Variants in SLC5A4 observed in about 807,000 individuals in gnomAD.
SLC5A4 encodes the protein solute carrier family 5 member 4.
A neutral mutation model predicts 70.3 loss-of-function variants in SLC5A4; 55 were observed. The observed-to-expected ratio is 0.78, with a 90% CI of 0.63 to 0.98. SLC5A4 has a LOEUF of 0.98. Among genes scored for constraint, SLC5A4 ranks in the 50% least tolerant of loss-of-function variants. The pLI is 0.00. For missense variants in SLC5A4, 735 were observed against 839.2 expected, an observed-to-expected ratio of 0.88 and a Z score of 1.53; for synonymous variants, 268 against 305.7, an observed-to-expected ratio of 0.88 and a Z score of 1.29.
At chr22:32,303,873 G>A in the SLC5A4 span, among the ~76,000 whole-genome samples, 3 of 152,210 alleles carry the variant, frequency 2.0e-5, no homozygotes, top group African/African-American at 7.2e-5. Flanking sequence ...GTAAGAAACT[G>A]CCAAACTGTC....
At chr22:32,329,942 G>C in the SLC5A4 span, among the ~76,000 whole-genome samples, 2 of 58,210 alleles carry the variant, frequency 3.4e-5, no homozygotes, top group East Asian at 1.3e-3. Context: ...TGTGTGTTGG[G>C]GGCTCTGGTG....
chr22:32,340,919 G>A, the SLC5A4 span, among the ~76,000 whole-genome samples: 10 of 152,276 alleles, frequency 6.6e-5, no homozygotes, highest in Admixed American at 2.6e-4. Flanking sequence ...ATGCGGAGGC[G>A]GCTGCCTCCA....
At chr22:32,348,697 C>T in the SLC5A4 span, among the ~76,000 whole-genome samples, 15 of 152,156 alleles carry the variant, frequency 9.9e-5, no homozygotes, top group African/African-American at 3.6e-4. Flanking sequence ...CTATTTATAA[C>T]TCTTTATAAC....
At chr22:32,294,326 T>C in the SLC5A4 span, among the ~76,000 whole-genome samples, 1 of 152,244 alleles carries the variant, frequency 6.6e-6, no homozygotes, top group Non-Finnish European at 1.5e-5. Context: ...TTGTATCTAA[T>C]CTGATTTTGT....
chr22:32,270,406 G>C, the SLC5A4 span: 1 of 1,454,974 alleles, frequency 6.9e-7, no homozygotes, highest in Non-Finnish European at 9.6e-7. Context: ...CGGCTGCTAC[G>C]ACATGTGGAC....
At chr22:32,305,125 TCATGTACCGAGACCTTA>T in the SLC5A4 span, among the ~76,000 whole-genome samples, 1 of 152,186 alleles carries the variant, frequency 6.6e-6, no homozygotes, top group African/African-American at 2.4e-5. Flanking sequence ...GCTTTTCAAC[TCATGTACCGAGACCTTA>T]ATTTGGGTTA....
At chr22:32,310,090 T>G in the SLC5A4 span, among the ~76,000 whole-genome samples, 182 of 128,590 alleles carry the variant, frequency 1.4e-3, no homozygotes, top group South Asian at 3.2e-3. Flanking sequence ...ATGGGGGGGG[T>G]GGCAGAAGGA....
chr22:32,240,123 G>A (rs1926432430), intron 5 of SLC5A4, among the ~76,000 whole-genome samples: 1 of 151,916 alleles, frequency 6.6e-6, no homozygotes, highest in Non-Finnish European at 1.5e-5. Flanking sequence ...TACAGTGATG[G>A]AAAATTGGTT....
At chr22:32,353,728 G>GGC in the SLC5A4 span, among the ~76,000 whole-genome samples, 2,253 of 151,994 alleles carry the variant, frequency 0.015, 55 homozygotes, top group African/African-American at 0.052. Flanking sequence ...AGCACCCAAT[G>GGC]GCGCCCAGAA....
the SLC5A4 span, among the ~76,000 whole-genome samples, chr22:32,285,354 C>T: frequency 6.6e-6 from 1 of 152,276 alleles, no homozygotes; most frequent in South Asian, 2.1e-4. Context: ...GTATAGTTCT[C>T]ATTTCTAGCA....
At chr22:32,349,295 T>A in the SLC5A4 span, among the ~76,000 whole-genome samples, 2 of 152,122 alleles carry the variant, frequency 1.3e-5, no homozygotes, top group Non-Finnish European at 2.9e-5. Context: ...TTTTAAAAAA[T>A]CAAAAACAGG....
the SLC5A4 span, among the ~76,000 whole-genome samples, chr22:32,312,183 G>C: frequency 6.6e-6 from 1 of 152,038 alleles, no homozygotes; most frequent in Non-Finnish European, 1.5e-5. Context: ...CAAATCCCCA[G>C]TGCTCCCTGA....
At chr22:32,280,855 G>C in the SLC5A4 span, among the ~76,000 whole-genome samples, 3 of 152,108 alleles carry the variant, frequency 2.0e-5, no homozygotes, top group African/African-American at 4.8e-5. Context: ...CAGGAGGTAC[G>C]GTTCAAGCTT....
the SLC5A4 span, among the ~76,000 whole-genome samples, chr22:32,325,710 C>T: frequency 3.3e-5 from 5 of 152,276 alleles, no homozygotes; most frequent in South Asian, 2.1e-4. Context: ...ACTTCCCATG[C>T]GTGTGTAGCC....
chr22:32,260,270 G>A (rs932188247), upstream of SLC5A4, among the ~76,000 whole-genome samples: 1 of 151,630 alleles, frequency 6.6e-6, no homozygotes, highest in African/African-American at 2.4e-5. Flanking sequence ...AGAGGTGGGG[G>A]TGCTTACATT....
chr22:32,241,779 G>A (rs1319647622), intron 5 of SLC5A4, among the ~76,000 whole-genome samples: 1 of 138,248 alleles, frequency 7.2e-6, no homozygotes, highest in African/African-American at 3.1e-5. Flanking sequence ...ATATATATGT[G>A]TGTGTGTGTG....
At chr22:32,274,070 C>T in the SLC5A4 span, among the ~76,000 whole-genome samples, 9 of 147,356 alleles carry the variant, frequency 6.1e-5, no homozygotes, top group East Asian at 1.8e-3. Context: ...GACAGAGTCT[C>T]GCTCTGTCAC....
chr22:32,327,568 C>G, the SLC5A4 span: 6 of 152,524 alleles, frequency 3.9e-5, no homozygotes, highest in African/African-American at 1.4e-4. Flanking sequence ...AATGGTGGTT[C>G]CTTTTGGCAT....
At chr22:32,333,995 C>A in the SLC5A4 span, among the ~76,000 whole-genome samples, 2,068 of 150,070 alleles carry the variant, frequency 0.014, 64 homozygotes, top group Admixed American at 0.078. Context: ...AACACAGACA[C>A]ACTACACACA....
Sources: allele counts gnomAD v4.1 joint callset (sites outside exome capture counted in the v4.1 genomes callset), GRCh38; gene constraint gnomAD v4.1.1; transcripts MANE v1.5; gene names NCBI Gene and HGNC (gene_info 2026-07-23, HGNC 2026-07-21).